Variants in CCSER1 observed in about 807,000 individuals in gnomAD.
CCSER1 encodes coiled-coil serine rich protein 1, also known as serine-rich coiled-coil domain-containing protein 1.
In CCSER1, 41 loss-of-function variants were observed where a neutral mutation model predicts 82.0. The ratio of observed to expected loss-of-function variants is 0.50; its 90% confidence interval spans 0.39 to 0.65. The LOEUF (loss-of-function observed/expected upper bound fraction) is 0.65, where lower values mean the gene tolerates loss of function less well. Ranked by LOEUF, CCSER1 falls within the 30% of genes least tolerant of loss-of-function variation. CCSER1 has a pLI of 0.00. For missense variants in CCSER1, 1,119 were observed against 1,064.2 expected, an observed-to-expected ratio of 1.05 and a Z score of -0.72; for synonymous variants, 414 against 383.9, an observed-to-expected ratio of 1.08 and a Z score of -0.92.
At chr4:90,540,986 A>G (rs1776030884) in intron 5 of CCSER1, among the ~76,000 whole-genome samples, 1 of 152,074 alleles carries the variant, frequency 6.6e-6, no homozygotes, top group South Asian at 2.1e-4. Flanking sequence ...AAAATCCTAC[A>G]TTTAAAATTT....
At chr4:90,782,932 G>C (rs766193658) in intron 7 of CCSER1, among the ~76,000 whole-genome samples, 1 of 148,846 alleles carries the variant, frequency 6.7e-6, no homozygotes, top group Non-Finnish European at 1.5e-5. Context: ...CCCCCTCCTC[G>C]GCCTCCCGAA....
chr4:90,673,642 C>G (rs2149163251), intron 6 of CCSER1, among the ~76,000 whole-genome samples: 1 of 152,034 alleles, frequency 6.6e-6, no homozygotes, highest in Non-Finnish European at 1.5e-5. Flanking sequence ...GAAATCCTCT[C>G]CACAAAGGTA....
intron 7 of CCSER1, among the ~76,000 whole-genome samples, chr4:90,743,204 T>C (rs145044628): frequency 5.1e-4 from 77 of 152,268 alleles, no homozygotes; most frequent in Non-Finnish European, 8.8e-4. Flanking sequence ...AAAGGTACAA[T>C]GTGTTTTAGC....
At chr4:91,438,081 A>T (rs1194883991) in intron 10 of CCSER1, among the ~76,000 whole-genome samples, 1 of 152,128 alleles carries the variant, frequency 6.6e-6, no homozygotes, top group African/African-American at 2.4e-5. Flanking sequence ...GACAGCAGTA[A>T]CCTCTGCAGA....
chr4:91,005,418 G>C (rs1056029619), intron 9 of CCSER1, among the ~76,000 whole-genome samples: 26 of 148,634 alleles, frequency 1.7e-4, no homozygotes, highest in African/African-American at 4.7e-4. Context: ...CACACACACA[G>C]AGACACACAA....
chr4:90,388,055 G>A (rs935021547), intron 3 of CCSER1, among the ~76,000 whole-genome samples: 3 of 152,170 alleles, frequency 2.0e-5, no homozygotes, highest in Non-Finnish European at 4.4e-5. Context: ...GAAAGAAGAT[G>A]TTGGTTGTCT....
intron 10 of CCSER1, among the ~76,000 whole-genome samples, chr4:91,415,711 T>G (rs1482928858): frequency 6.6e-6 from 1 of 152,212 alleles, no homozygotes; most frequent in South Asian, 2.1e-4. Context: ...TGAATTACAT[T>G]TATTGCTTTG....
intron 10 of CCSER1, among the ~76,000 whole-genome samples, chr4:91,559,876 T>G (rs368083608): frequency 6.6e-6 from 1 of 151,458 alleles, no homozygotes; most frequent in Non-Finnish European, 1.5e-5. Context: ...TATTACTTTA[T>G]GTTTTGGCCA....
intron 8 of CCSER1, among the ~76,000 whole-genome samples, chr4:90,816,713 C>T (rs888500920): frequency 3.3e-5 from 5 of 152,010 alleles, no homozygotes; most frequent in Non-Finnish European, 5.9e-5. Context: ...TCCTTCTCAA[C>T]GTATTTTTAA....
intron 9 of CCSER1, among the ~76,000 whole-genome samples, chr4:91,018,325 C>T (rs187054814): frequency 1.3e-5 from 2 of 152,160 alleles, no homozygotes; most frequent in East Asian, 3.9e-4. Flanking sequence ...TCTTTTCTTA[C>T]CCTGCTTTGA....
intron 10 of CCSER1, among the ~76,000 whole-genome samples, chr4:91,428,629 GTTGT>G (rs1428603395): frequency 6.6e-6 from 1 of 151,896 alleles, no homozygotes; most frequent in African/African-American, 2.4e-5. Flanking sequence ...AGACTCTCTA[GTTGT>G]TTATTTCCAA....
At chr4:90,952,292 T>C (rs563756830) in intron 9 of CCSER1, among the ~76,000 whole-genome samples, 1 of 152,068 alleles carries the variant, frequency 6.6e-6, no homozygotes, top group Non-Finnish European at 1.5e-5. Context: ...GCAGCAATAC[T>C]CAATCAGAGG....
At chr4:91,296,074 A>C (rs1401619279) in intron 10 of CCSER1, among the ~76,000 whole-genome samples, 1 of 151,826 alleles carries the variant, frequency 6.6e-6, no homozygotes. Flanking sequence ...TTGAAATCAG[A>C]TTTGAAGTCA....
intron 6 of CCSER1, among the ~76,000 whole-genome samples, chr4:90,708,038 A>G (rs570783450): frequency 6.6e-6 from 1 of 152,278 alleles, no homozygotes; most frequent in South Asian, 2.1e-4. Flanking sequence ...GGATCTGTGT[A>G]GTTCAAGGTC....
At chr4:91,175,272 G>A (rs770485400) in intron 10 of CCSER1, among the ~76,000 whole-genome samples, 63 of 152,044 alleles carry the variant, frequency 4.1e-4, no homozygotes, top group Non-Finnish European at 6.9e-4. Context: ...GAATAGTGCC[G>A]TAATAAACAT....
intron 1 of CCSER1, among the ~76,000 whole-genome samples, chr4:90,168,675 G>C (rs1730997648): frequency 6.6e-6 from 1 of 152,062 alleles, no homozygotes; most frequent in East Asian, 1.9e-4. Flanking sequence ...AAGGCATCCA[G>C]TTTCAGCTTT....
intron 5 of CCSER1, among the ~76,000 whole-genome samples, chr4:90,490,528 T>C (rs138851243): frequency 0.017 from 2,527 of 152,274 alleles, 69 homozygotes; most frequent in African/African-American, 0.058. Flanking sequence ...TTAGTTTAAT[T>C]AGATCCCATT....
At chr4:91,048,404 A>T (rs918836968) in intron 9 of CCSER1, among the ~76,000 whole-genome samples, 6 of 151,986 alleles carry the variant, frequency 3.9e-5, no homozygotes, top group South Asian at 2.1e-4. Flanking sequence ...TATAATTTTT[A>T]AAAAACCCTT....
At chr4:91,326,378 G>A (rs1206742902) in intron 10 of CCSER1, among the ~76,000 whole-genome samples, 1 of 152,058 alleles carries the variant, frequency 6.6e-6, no homozygotes, top group East Asian at 1.9e-4. Flanking sequence ...GAGAGTAAAA[G>A]GGGAAGTGCT....
Sources: allele counts gnomAD v4.1 joint callset (sites outside exome capture counted in the v4.1 genomes callset), GRCh38; gene constraint gnomAD v4.1.1; transcripts MANE v1.5; gene names NCBI Gene and HGNC (gene_info 2026-07-23, HGNC 2026-07-21).